Variants in YAP1 observed in about 807,000 individuals in gnomAD.
YAP1 encodes the protein transcriptional coactivator YAP1.
In YAP1, 5 loss-of-function variants were observed where a neutral mutation model predicts 56.9. That is an observed-to-expected ratio of 0.09 (90% CI 0.05 to 0.18). The LOEUF (loss-of-function observed/expected upper bound fraction) is 0.18. Among genes scored for constraint, YAP1 ranks in the 10% least tolerant of loss-of-function variants. The pLI is 1.00. For missense variants in YAP1, 539 were observed against 651.8 expected (o/e 0.83, Z 1.88); for synonymous variants, 265 against 248.1 (o/e 1.07, Z -0.64).
At chr11:102,184,026 G>A (rs1454552074) in intron 3 of YAP1, among the ~76,000 whole-genome samples, 21 of 147,192 alleles carry the variant, frequency 1.4e-4, no homozygotes, top group Non-Finnish European at 1.8e-4. Context: ...GCAGTGAGCC[G>A]AGATCCCGCC....
chr11:102,184,099 A>G (rs1947814573), intron 3 of YAP1, among the ~76,000 whole-genome samples: 1 of 146,582 alleles, frequency 6.8e-6, no homozygotes, highest in African/African-American at 2.5e-5. Flanking sequence ...AAAAAAAGAA[A>G]GCTACAATGA....
At chr11:102,137,765 T>A (rs981407824) in intron 2 of YAP1, among the ~76,000 whole-genome samples, 3 of 140,506 alleles carry the variant, frequency 2.1e-5, no homozygotes, top group Non-Finnish European at 3.2e-5. Flanking sequence ...TTTTTTTTTT[T>A]AAAGTCATGG....
chr11:102,214,351 A>G (rs931971826), intron 6 of YAP1, among the ~76,000 whole-genome samples: 1 of 152,232 alleles, frequency 6.6e-6, no homozygotes, highest in Admixed American at 6.5e-5. Flanking sequence ...TGAATAATAA[A>G]GCCCACAGTA....
intron 2 of YAP1, among the ~76,000 whole-genome samples, chr11:102,160,100 C>G (rs112024906): frequency 2.9e-4 from 40 of 137,274 alleles, no homozygotes; most frequent in African/African-American, 1.0e-3. Context: ...CTTGGCTCAT[C>G]GCAACCTCTG....
intron 2 of YAP1, among the ~76,000 whole-genome samples, chr11:102,152,940 G>A (rs552206745): frequency 1.3e-5 from 2 of 152,174 alleles, no homozygotes; most frequent in Non-Finnish European, 2.9e-5. Context: ...TCCCAAGAGC[G>A]GACATTTGAG....
chr11:102,111,343 C>T (rs567751152), intron 1 of YAP1, among the ~76,000 whole-genome samples, 174 bp downstream of exon 1: 31 of 152,108 alleles, frequency 2.0e-4, no homozygotes, highest in Non-Finnish European at 8.8e-5. Context: ...CCGCGGTGAC[C>T]AGCTCCCCAC....
intron 4 of YAP1, among the ~76,000 whole-genome samples, chr11:102,186,875 G>A (rs1223423675): frequency 8.6e-6 from 1 of 116,404 alleles, no homozygotes; most frequent in Non-Finnish European, 1.9e-5. Context: ...TTTTCATTTG[G>A]GTTTCTGAGA....
chr11:102,111,153 A>T lies in YAP1; in HGVS notation c.305A>T (p.Lys102Ile). 2 of 1,612,864 alleles carry T rather than the reference A, an allele frequency of 1.2e-6. No individual in the cohort carries two copies. The highest frequency in any genetic ancestry group is 1.7e-6 in the Non-Finnish European group (2 of 1,179,760). Residue 102 changes from lysine to isoleucine, a missense_variant, in exon 1 of 9, where the codon AAA (lysine) becomes ATA (isoleucine). Lys to Ile is a moderately radical substitution (Grantham distance 102). This residue lies in a region of YAP1 where 414 missense variants were observed against 512.4 expected (regional missense o/e 0.81). Coordinates refer to ENST00000282441, the MANE Select transcript of YAP1 (RefSeq NM_001130145.3). Reference sequence around the variant, plus strand: ...TCCTTCTTCAAGCCGCCGGAGCCCAAATCCCACTCCCGACAGGTAACCTCG... The same window carrying T: ...TCCTTCTTCAAGCCGCCGGAGCCCATATCCCACTCCCGACAGGTAACCTCG... ...PDSFFKPPEP[K>I]SHSRQASTDA...
chr11:102,120,722 A>T (rs1170834325), intron 2 of YAP1, among the ~76,000 whole-genome samples: 3 of 152,358 alleles, frequency 2.0e-5, no homozygotes, highest in African/African-American at 7.2e-5. Context: ...TTATTTGGCC[A>T]GTAAGTATGT....
At chr11:102,156,836 C>T (rs1234605899) in intron 2 of YAP1, among the ~76,000 whole-genome samples, 4 of 152,194 alleles carry the variant, frequency 2.6e-5, no homozygotes, top group Non-Finnish European at 5.9e-5. Context: ...CTGGTCCATC[C>T]TCACCCTTTC....
At chr11:102,208,531 T>G (rs770695798) in intron 5 of YAP1, among the ~76,000 whole-genome samples, 17 of 152,154 alleles carry the variant, frequency 1.1e-4, no homozygotes, top group Non-Finnish European at 1.3e-4. Flanking sequence ...TTATTGTACC[T>G]CTGACTTTCT....
At chr11:102,143,305 G>A (rs1945123116) in intron 2 of YAP1, among the ~76,000 whole-genome samples, 1 of 152,112 alleles carries the variant, frequency 6.6e-6, no homozygotes, top group Non-Finnish European at 1.5e-5. Context: ...AAAAGAAGTG[G>A]CATCAATAAG....
At chr11:102,192,258 T>A (rs183643334) in intron 4 of YAP1, among the ~76,000 whole-genome samples, 1 of 152,346 alleles carries the variant, frequency 6.6e-6, no homozygotes, top group Admixed American at 6.5e-5. Flanking sequence ...TGGTTTTTCA[T>A]GTGTTCAGAG....
At chr11:102,186,410 A>C in intron 4 of YAP1, 1 of 333,836 alleles carries the variant, frequency 3.0e-6, no homozygotes, top group Non-Finnish European at 5.5e-6. Flanking sequence ...TTTTGGGAGA[A>C]ACACAGTGAT....
intron 4 of YAP1, among the ~76,000 whole-genome samples, chr11:102,198,802 G>C (rs1377882653): frequency 6.6e-6 from 1 of 152,112 alleles, no homozygotes; most frequent in Non-Finnish European, 1.5e-5. Flanking sequence ...AAATGTTTCT[G>C]TGTGGAAATA....
chr11:102,136,782 T>G (rs1387914600), intron 2 of YAP1, among the ~76,000 whole-genome samples: 1 of 152,254 alleles, frequency 6.6e-6, no homozygotes, highest in African/African-American at 2.4e-5. Context: ...TACTGAAAAG[T>G]TCACTCCTCA....
At chr11:102,186,221 G>T (rs556830837) in intron 4 of YAP1, 90 bp downstream of exon 4, 3 of 1,407,872 alleles carry the variant, frequency 2.1e-6, no homozygotes, top group African/African-American at 1.4e-5. Context: ...AAATAAAATC[G>T]CATTGCTTTA....
In YAP1 at chr11:102,228,400, C is replaced by T. The variant is rs534135249; in HGVS notation, c.1276+819C>T. Among the ~76,000 whole-genome samples, 8 of 151,752 alleles carry T rather than the reference C, an allele frequency of 5.3e-5. No individual in the cohort carries two copies. In the South Asian group the frequency reaches 8.4e-4, roughly 16 times the overall value. Reference sequence around the variant, plus strand: ...CTGTAATCCCAGCACTTTGGGAGGCCGAGGTAGCCAGATCACGTGAGGTCA... The same window carrying T: ...CTGTAATCCCAGCACTTTGGGAGGCTGAGGTAGCCAGATCACGTGAGGTCA... On this transcript the variant is annotated intron_variant, in intron 8 of 8. Transcript: ENST00000282441.
chr11:102,153,842 A>G (rs567577426), intron 2 of YAP1, among the ~76,000 whole-genome samples: 1 of 150,552 alleles, frequency 6.6e-6, no homozygotes, highest in Admixed American at 6.6e-5. Context: ...CTCTCCATAC[A>G]GAGGAACTCT....
Sources: gnomAD v4.1 joint callset for allele counts (sites outside exome capture counted in the v4.1 genomes callset) on GRCh38, gnomAD v4.1.1 for gene constraint, gnomAD v4.1.1 regional missense constraint, MANE v1.5 for transcripts, NCBI Gene and HGNC (gene_info 2026-07-23, HGNC 2026-07-21) for gene names.